Variants in CS observed in about 807,000 individuals in gnomAD.
CS encodes the protein citrate synthase, mitochondrial.
In CS, 13 loss-of-function variants were observed where a neutral mutation model predicts 61.4. The observed-to-expected ratio is 0.21, with a 90% CI of 0.14 to 0.34. The LOEUF (loss-of-function observed/expected upper bound fraction) is 0.34. Ranked by LOEUF, CS falls within the 10% of genes least tolerant of loss-of-function variation. The pLI is 1.00. For missense variants in CS, 278 were observed against 573.4 expected (o/e 0.48, Z 5.26); for synonymous variants, 159 against 215.2 (o/e 0.74, Z 2.29).
intron 8 of CS, 31 bp downstream of exon 8, chr12:56,274,971 T>A: frequency 6.2e-7 from 1 of 1,612,902 alleles, no homozygotes; most frequent in Non-Finnish European, 8.5e-7. Context: ...AAGGAAAACA[T>A]GTAGCAGGAA....
intron 1 of CS, among the ~76,000 whole-genome samples, chr12:56,295,516 A>C (rs1294649135): frequency 2.0e-5 from 3 of 151,536 alleles, no homozygotes; most frequent in Non-Finnish European, 4.4e-5. Flanking sequence ...GCGAGACTCC[A>C]TCTCAAGGAA....
intron 7 of CS, chr12:56,275,477 G>A (rs1296947595): frequency 4.3e-6 from 1 of 230,280 alleles, no homozygotes; most frequent in Non-Finnish European, 8.7e-6. Context: ...GGAGGCTGAG[G>A]CAGCAGAATC....
At chr12:56,287,808 C>A (rs1872989721) in intron 1 of CS, among the ~76,000 whole-genome samples, 1 of 152,092 alleles carries the variant, frequency 6.6e-6, no homozygotes, top group South Asian at 2.1e-4. Context: ...GCATGCACCA[C>A]CATGCTTGGC....
At chr12:56,292,860 C>T (rs1405111597) in intron 1 of CS, among the ~76,000 whole-genome samples, 1 of 151,378 alleles carries the variant, frequency 6.6e-6, no homozygotes, top group East Asian at 1.9e-4. Context: ...GCCGAGTTCG[C>T]ACCACTGCAC....
intron 6 of CS, among the ~76,000 whole-genome samples, chr12:56,276,819 G>C (rs1305703641): frequency 2.6e-5 from 4 of 152,154 alleles, no homozygotes; most frequent in African/African-American, 9.7e-5. Flanking sequence ...TGGGATTATA[G>C]GTGTGAGCCA....
At chr12:56,289,731 C>T (rs991724597) in intron 1 of CS, among the ~76,000 whole-genome samples, 3 of 151,324 alleles carry the variant, frequency 2.0e-5, no homozygotes, top group Non-Finnish European at 2.9e-5. Context: ...CGTGAGCCAC[C>T]GCGCCCGGCC....
intron 1 of CS, 85 bp from the exon 2 acceptor site, chr12:56,286,730 C>T (rs892408622): frequency 1.7e-6 from 2 of 1,199,980 alleles, no homozygotes; most frequent in Non-Finnish European, 2.4e-6. Flanking sequence ...GACTCAACCT[C>T]TCTCTCTTCA....
chr12:56,288,440 A>G (rs1462439969), intron 1 of CS, among the ~76,000 whole-genome samples: 1 of 141,506 alleles, frequency 7.1e-6, no homozygotes, highest in Non-Finnish European at 1.5e-5. Context: ...TGTTCAAGTG[A>G]TTCTCATGCC....
chr12:56,284,300 C>T (rs1171408238), intron 3 of CS, among the ~76,000 whole-genome samples: 1 of 86,172 alleles, frequency 1.2e-5, no homozygotes, highest in South Asian at 3.9e-4. Flanking sequence ...GCCTGGGTGA[C>T]AAGAGCAAAA....
chr12:56,292,730 C>CAAAAAAAA (rs531365770), intron 1 of CS, among the ~76,000 whole-genome samples: 17 of 56,880 alleles, frequency 3.0e-4, no homozygotes, highest in Non-Finnish European at 5.7e-4. Flanking sequence ...TAAAAAAATA[C>CAAAAAAAA]AAAAAAAAAA....
intron 1 of CS, among the ~76,000 whole-genome samples, chr12:56,294,028 G>GATAC (rs1487074310): frequency 6.6e-6 from 1 of 152,218 alleles, no homozygotes; most frequent in East Asian, 1.9e-4. Context: ...TCACAACGGT[G>GATAC]ATACTGGAAG....
chr12:56,293,323 T>A (rs562137676), intron 1 of CS, among the ~76,000 whole-genome samples: 1 of 152,168 alleles, frequency 6.6e-6, no homozygotes, highest in Non-Finnish European at 1.5e-5. Flanking sequence ...TAACCAACAT[T>A]AAAACCTTGG....
At chr12:56,297,557 G>C (rs570389716) in intron 1 of CS, among the ~76,000 whole-genome samples, 1 of 152,142 alleles carries the variant, frequency 6.6e-6, no homozygotes, top group Non-Finnish European at 1.5e-5. Context: ...CAAAAAATTA[G>C]CTGGGCGTGG....
intron 10 of CS, 96 bp from the exon 11 acceptor site, chr12:56,273,350 T>G: frequency 7.5e-7 from 1 of 1,326,868 alleles, no homozygotes; most frequent in Non-Finnish European, 1.0e-6. Flanking sequence ...AATTTTCCAT[T>G]TTTCTCCAAG....
At chr12:56,275,705 G>T in intron 7 of CS, 2 of 456,856 alleles carry the variant, frequency 4.4e-6, no homozygotes, top group Non-Finnish European at 7.9e-6. Context: ...AATAGCAATG[G>T]CCCCAAAGAG....
chr12:56,289,541 C>T (rs1873049829), intron 1 of CS, among the ~76,000 whole-genome samples: 1 of 151,894 alleles, frequency 6.6e-6, no homozygotes, highest in Non-Finnish European at 1.5e-5. Context: ...CTCCAAGGTT[C>T]AACACCATTC....
chr12:56,290,375 C>A (rs1873080630), intron 1 of CS, among the ~76,000 whole-genome samples: 1 of 151,848 alleles, frequency 6.6e-6, no homozygotes, highest in Non-Finnish European at 1.5e-5. Context: ...ACACACCCGG[C>A]TAATTTTTTG....
Position 56,300,175 on chromosome 12 carries a change from C to T in CS, c.27G>A (p.Arg9=). Reference sequence around the variant, plus strand: ...CGCTGCTCACCTTGGTTCCCAAGAGCCGGGCGGCCGCAGTAAGTAAAGCCA... The same window carrying T: ...CGCTGCTCACCTTGGTTCCCAAGAGTCGGGCGGCCGCAGTAAGTAAAGCCA... The part of the protein sequence containing the change: MALLTAAA[R]LLGTKNASCL... Residue 9 remains arginine (R), a synonymous_variant, in exon 1 of 11, where the codon CGG becomes CGA. Coordinates refer to ENST00000351328, the MANE Select transcript of CS (RefSeq NM_004077.3). 3.2e-6 allele frequency: 5 copies of T among 1,571,786 alleles called. No individual in the cohort carries two copies. The highest frequency in any genetic ancestry group is 4.3e-6 in the Non-Finnish European group (5 of 1,159,790).
rs143214233 is a variant in CS, at chr12:56,285,425, G to C, written c.201+491C>G. On this transcript the variant is annotated intron_variant, in intron 3 of 10. Coordinates refer to ENST00000351328, the MANE Select transcript of CS (RefSeq NM_004077.3). ...TGCCTCCCCAGTAGCTGGGACTACA[G>C]GGGCATCCCACCATCTCTGGCTAAT... Among the ~76,000 whole-genome samples, 1,203 of 152,272 alleles carry C rather than the reference G, an allele frequency of 7.9e-3. 11 individuals carry two copies. Among genetic ancestry groups the C allele is most frequent in the Middle Eastern group, 0.017 (5 of 294 alleles).
Sources: allele counts gnomAD v4.1 joint callset (sites outside exome capture counted in the v4.1 genomes callset), GRCh38; gene constraint gnomAD v4.1.1; transcripts MANE v1.5; gene names NCBI Gene and HGNC (gene_info 2026-07-23, HGNC 2026-07-21).